The following SLCO1B3 variants were observed in gnomAD, a reference collection of about 807,000 sequenced individuals.
The protein encoded by SLCO1B3 is solute carrier organic anion transporter family member 1B3.
A neutral mutation model predicts 71.8 loss-of-function variants in SLCO1B3; 72 were observed. That is an observed-to-expected ratio of 1.00 (90% CI 0.83 to 1.22). The LOEUF is 1.22. Among genes scored for constraint, SLCO1B3 ranks in the 50% most tolerant of loss-of-function variants. The pLI is 0.00. For missense variants in SLCO1B3, 911 were observed against 819.7 expected (o/e 1.11, Z -1.36); for synonymous variants, 298 against 278.4 (o/e 1.07, Z -0.70).
chr12:20,821,628 G>A (rs529731698), intron 3 of SLCO1B3, among the ~76,000 whole-genome samples: 125 of 152,238 alleles, frequency 8.2e-4, no homozygotes, highest in African/African-American at 2.9e-3. Flanking sequence ...GAAGGAGAAG[G>A]GGTTGAGGGG....
In SLCO1B3 at chr12:20,887,116, C is replaced by T. The variant is rs1422550638; in HGVS notation, c.1682+3514C>T. ...TATACAAAATTTTTAATCTAATTATCAGTGAATGGAAATTTAGAGTGATTC... is the reference window on the plus strand; with the variant it reads ...TATACAAAATTTTTAATCTAATTATTAGTGAATGGAAATTTAGAGTGATTC... On this transcript the variant is annotated intron_variant, in intron 13 of 15. Coordinates refer to ENST00000381545, the MANE Select transcript of SLCO1B3 (RefSeq NM_019844.4). Among the ~76,000 whole-genome samples, 3 of 152,166 alleles carry T rather than the reference C, an allele frequency of 2.0e-5. No individual in the cohort carries two copies. The East Asian group carries it at 5.8e-4, about 29-fold the overall frequency.
At chr12:20,889,810 T>A (rs1455713722) in intron 13 of SLCO1B3, among the ~76,000 whole-genome samples, 2 of 152,198 alleles carry the variant, frequency 1.3e-5, no homozygotes, top group East Asian at 3.8e-4. Context: ...TCTGTCTTTT[T>A]GTTGTGGGCA....
chr12:20,833,735 AATTT>A (rs34626501), intron 3 of SLCO1B3, among the ~76,000 whole-genome samples: 66,923 of 146,834 alleles, frequency 0.46, 17,155 homozygotes, highest in South Asian at 0.64. Flanking sequence ...TTACATATGT[AATTT>A]ATTTATGTAA....
chr12:20,827,616 G>T (rs1339064157), intron 3 of SLCO1B3, among the ~76,000 whole-genome samples: 1 of 151,892 alleles, frequency 6.6e-6, no homozygotes, highest in East Asian at 1.9e-4. Context: ...CCGTTGCCCG[G>T]GCTGGAGTGC....
At chr12:20,878,893 A>G (rs1045950069) in intron 10 of SLCO1B3, among the ~76,000 whole-genome samples, 3 of 82,336 alleles carry the variant, frequency 3.6e-5, no homozygotes, top group Non-Finnish European at 1.0e-4. Context: ...TAATTCAAGA[A>G]TTTAATTCTA....
intron 10 of SLCO1B3, among the ~76,000 whole-genome samples, chr12:20,878,802 G>A (rs149493698): frequency 3.9e-5 from 6 of 152,106 alleles, no homozygotes; most frequent in African/African-American, 1.4e-4. Context: ...ATGTAACAGG[G>A]ATCAGTCATT....
At chr12:20,893,994 G>A (rs2121346865) in intron 13 of SLCO1B3, among the ~76,000 whole-genome samples, 1 of 152,280 alleles carries the variant, frequency 6.6e-6, no homozygotes, top group South Asian at 2.1e-4. Flanking sequence ...CTGTTCTTCA[G>A]TCTTTTGCAA....
At chr12:20,858,321 A>T (rs1865182739) in intron 4 of SLCO1B3, 118 bp from the exon 5 acceptor site, 2 of 673,742 alleles carry the variant, frequency 3.0e-6, no homozygotes, top group Admixed American at 3.0e-5. Flanking sequence ...GTTAAATTAC[A>T]TGGTCTTTGA....
rs1160027893 is a variant in SLCO1B3 at position 20,875,275 on chromosome 12, A to G, written c.768A>G (p.Gly256=). The change falls in exon 9 of 16, where the codon GGA becomes GGG. Residue 256 remains glycine (G), a synonymous_variant. Coordinates refer to ENST00000381545, the MANE Select transcript of SLCO1B3 (RefSeq NM_019844.4). The stretch of plus-strand genomic sequence containing the variant: ...CTCCTAAGGACTCTCGTTGGGTTGG[A>G]GCTTGGTGGCTTGGTTTCCTTGTGT... ...RITPKDSRWV[G]AWWLGFLVSG... The G allele has an allele frequency of 9.3e-6, 15 of 1,613,046 alleles. No homozygotes were observed. Among genetic ancestry groups the G allele is most frequent in the Non-Finnish European group, 1.3e-5 (15 of 1,179,638 alleles).
intron 15 of SLCO1B3, among the ~76,000 whole-genome samples, chr12:20,912,886 A>G (rs1866414144): frequency 6.5e-5 from 1 of 15,306 alleles, no homozygotes; most frequent in African/African-American, 6.9e-5. Flanking sequence ...CATGTTGATC[A>G]GTCTTGTGTC....
At chr12:20,841,663 A>G (rs1033609907) in intron 3 of SLCO1B3, among the ~76,000 whole-genome samples, 12 of 152,092 alleles carry the variant, frequency 7.9e-5, no homozygotes, top group African/African-American at 2.9e-4. Context: ...TGTACAGATT[A>G]TTTCAGCACT....
chr12:20,855,234 A>C, intron 4 of SLCO1B3, 65 bp downstream of exon 4: 1 of 1,347,272 alleles, frequency 7.4e-7, no homozygotes, highest in Non-Finnish European at 1.0e-6. Context: ...CTGTTCATGC[A>C]TGCTTTATAT....
intron 8 of SLCO1B3, among the ~76,000 whole-genome samples, chr12:20,867,883 C>T (rs1362409991): frequency 1.3e-5 from 2 of 152,054 alleles, no homozygotes; most frequent in African/African-American, 2.4e-5. Context: ...CCTGCCTTTC[C>T]TGTCTTTCTT....
intron 8 of SLCO1B3, among the ~76,000 whole-genome samples, chr12:20,865,984 T>C (rs1865366482): frequency 6.6e-6 from 1 of 152,118 alleles, no homozygotes; most frequent in African/African-American, 2.4e-5. Context: ...ATGCCATGTG[T>C]CATTCATCAT....
intron 3 of SLCO1B3, among the ~76,000 whole-genome samples, chr12:20,846,411 G>A (rs975657): frequency 0.54 from 81,437 of 152,048 alleles, 24,342 homozygotes; most frequent in South Asian, 0.77. Context: ...ATTTAACTTC[G>A]TTGACTTGGA....
chr12:20,899,787 C>A (rs1188063267), intron 14 of SLCO1B3, among the ~76,000 whole-genome samples: 8 of 152,090 alleles, frequency 5.3e-5, no homozygotes, highest in Admixed American at 5.2e-4. Flanking sequence ...GTTTAAGCAA[C>A]ATAAAATAGA....
chr12:20,887,978 G>A (rs1200024860), intron 13 of SLCO1B3, among the ~76,000 whole-genome samples: 2 of 151,922 alleles, frequency 1.3e-5, no homozygotes, highest in Non-Finnish European at 2.9e-5. Flanking sequence ...TTATTGAATA[G>A]GGTGTCCTTT....
chr12:20,857,812 A>C (rs2121235466), intron 4 of SLCO1B3, among the ~76,000 whole-genome samples: 1 of 152,266 alleles, frequency 6.6e-6, no homozygotes, highest in Admixed American at 6.5e-5. Context: ...GCTACAGATA[A>C]ATCTGAATTG....
chr12:20,888,576 A>G (rs557549638), intron 13 of SLCO1B3, among the ~76,000 whole-genome samples: 1 of 152,178 alleles, frequency 6.6e-6, no homozygotes, highest in African/African-American at 2.4e-5. Context: ...TATCAAGTCT[A>G]AGAGGCTTTC....
Sources: gnomAD v4.1 joint callset for allele counts (sites outside exome capture counted in the v4.1 genomes callset) on GRCh38, gnomAD v4.1.1 for gene constraint, MANE v1.5 for transcripts, NCBI Gene and HGNC (gene_info 2026-07-23, HGNC 2026-07-21) for gene names.